The following DENND2B variants were observed in gnomAD, a reference collection of about 807,000 sequenced individuals.
The protein encoded by DENND2B is DENN domain containing 2B, also known as DENN domain-containing protein 2B.
A neutral mutation model predicts 116.0 loss-of-function variants in DENND2B; 32 were observed. The observed-to-expected ratio is 0.28, with a 90% CI of 0.21 to 0.37. The LOEUF (loss-of-function observed/expected upper bound fraction) is 0.37. Among genes scored for constraint, DENND2B ranks in the 10% least tolerant of loss-of-function variants. The probability of loss-of-function intolerance (pLI) is 1.00; values close to 1 mark genes in which losing one functional copy is unlikely to be tolerated. For synonymous variants in DENND2B, 588 were observed against 583.9 expected (o/e 1.01, Z -0.10); for missense variants, 1,276 against 1,477.7 (o/e 0.86, Z 2.24).
intron 1 of DENND2B, among the ~76,000 whole-genome samples, chr11:8,909,466 A>AAGG (rs1271097499): frequency 6.6e-6 from 1 of 151,986 alleles, no homozygotes; most frequent in Non-Finnish European, 1.5e-5. Context: ...GGAGAAGGAG[A>AAGG]AGAAATGGAA....
At chr11:8,830,217 C>G (rs2062149182) in intron 4 of DENND2B, among the ~76,000 whole-genome samples, 1 of 152,204 alleles carries the variant, frequency 6.6e-6, no homozygotes, top group African/African-American at 2.4e-5. Context: ...GTCCCTGGCT[C>G]TGCTCTGCCA....
intron 1 of DENND2B, chr11:8,772,053 T>C (rs1484256400): frequency 6.6e-6 from 1 of 151,442 alleles, no homozygotes; most frequent in Non-Finnish European, 1.5e-5. Context: ...AACTTCTGAG[T>C]TCAGAGAGCT....
At chr11:8,803,627 TA>T (rs1290214255) in intron 1 of DENND2B, among the ~76,000 whole-genome samples, 1 of 152,242 alleles carries the variant, frequency 6.6e-6, no homozygotes, top group Non-Finnish European at 1.5e-5. Context: ...AGCTAACATT[TA>T]TTGAGAGCAT....
rs560630549 is a variant in DENND2B, at chr11:8,772,404, G to T, written c.-25-21679C>A. On this transcript the variant is annotated intron_variant, in intron 1 of 19. Coordinates refer to ENST00000313726, the MANE Select transcript of DENND2B (RefSeq NM_213618.2). The stretch of plus-strand genomic sequence containing the variant: ...GACTTGTGATTAGCATCTGAAGTGG[G>T]GACAGTCTTGTCCCCACTTAATCTA... Among the ~76,000 whole-genome samples the T allele has an allele frequency of 2.0e-5, 3 of 151,990 alleles. No individual in the cohort carries two copies. In the South Asian group the frequency reaches 6.2e-4, roughly 32 times the overall value.
At chr11:8,815,538 C>T (rs2061539686), upstream of DENND2B, among the ~76,000 whole-genome samples, 1 of 152,180 alleles carries the variant, frequency 6.6e-6, no homozygotes, top group East Asian at 1.9e-4. Context: ...CTCTCCCTCC[C>T]TCTATGGCTC....
rs1323325733 is a variant in DENND2B, at chr11:8,701,351, G to C, written c.2720+1221C>G. The stretch of plus-strand genomic sequence containing the variant: ...GATGGGAAGGCCAGCTTCCGGGGGG[G>C]GGGGGGGGAGGGGCTACATGAATGA... On this transcript the variant is annotated intron_variant, in intron 14 of 19. Coordinates refer to ENST00000313726, the MANE Select transcript of DENND2B (RefSeq NM_213618.2). Among the ~76,000 whole-genome samples, 17 of 76,016 alleles carry C rather than the reference G, an allele frequency of 2.2e-4. 2 individuals are homozygous for C. The highest frequency in any genetic ancestry group is 1.3e-3 in the South Asian group (2 of 1,582). The allele number at this position is 76,016 out of a possible 152,430, so 49.9% of individuals were successfully genotyped here.
At chr11:8,708,438 G>A in intron 11 of DENND2B, 1 of 644,884 alleles carries the variant, frequency 1.6e-6, no homozygotes, top group Middle Eastern at 7.7e-4. Context: ...TGTGAGAGAG[G>A]GATTATTATC....
chr11:8,713,541 G>T (rs889876236), intron 8 of DENND2B, among the ~76,000 whole-genome samples: 1 of 152,128 alleles, frequency 6.6e-6, no homozygotes, highest in Non-Finnish European at 1.5e-5. Flanking sequence ...CACCGTGCCT[G>T]GCTAATTTTT....
chr11:8,697,907 C>G, intron 16 of DENND2B: 1 of 508,324 alleles, frequency 2.0e-6, no homozygotes, highest in Non-Finnish European at 3.7e-6. Context: ...GCGGGAGGAT[C>G]GCTTGAGCCC....
At chr11:8,839,400 C>G (rs1252298940) in intron 3 of DENND2B, 4 of 152,256 alleles carry the variant, frequency 2.6e-5, no homozygotes, top group Non-Finnish European at 5.9e-5. Context: ...TTCACTTACA[C>G]TTTCCAATAA....
chr11:8,698,265 C>T (rs893799522), intron 16 of DENND2B, among the ~76,000 whole-genome samples: 34 of 151,166 alleles, frequency 2.2e-4, no homozygotes, highest in African/African-American at 8.2e-4. Context: ...CAGCTCCAGG[C>T]AGGAGGCACA....
At chr11:8,807,464 C>T (rs1305891588) in intron 1 of DENND2B, among the ~76,000 whole-genome samples, 1 of 152,184 alleles carries the variant, frequency 6.6e-6, no homozygotes, top group Non-Finnish European at 1.5e-5. Context: ...TCTGTACACC[C>T]CGCCCTTCAT....
At chr11:8,698,137 C>CA (rs33975736) in intron 16 of DENND2B, among the ~76,000 whole-genome samples, 3,721 of 39,664 alleles carry the variant, frequency 0.094, 399 homozygotes, top group East Asian at 0.16. Flanking sequence ...ACCCTGTCTC[C>CA]AAAAAAAAAA....
intron 5 of DENND2B, 83 bp from the exon 6 acceptor site, chr11:8,715,901 G>C (rs1046425921): frequency 3.0e-6 from 4 of 1,329,988 alleles, no homozygotes; most frequent in African/African-American, 2.9e-5. Context: ...GGGACACAGA[G>C]GCCAAGGGCC....
rs1318649100 is a variant in DENND2B, at chr11:8,696,566, T to C, written c.3153A>G (p.Gly1051=). The stretch of plus-strand genomic sequence containing the variant: ...AGGCCTCTCGCTGAAAGGCCCTCTC[T>C]CCCTTCTCACTCTGTGTCAGAAAGA... The part of the protein sequence containing the change: ...YSLFLTQSEK[G]ERAFQREAFR... Residue 1051 remains glycine, a synonymous_variant, in exon 18 of 20, where the codon GGA becomes GGG. Transcript: ENST00000313726. 6 of 1,614,010 alleles carry C rather than the reference T, an allele frequency of 3.7e-6. No homozygotes were observed. The highest frequency in any genetic ancestry group is 1.1e-5 in the South Asian group (1 of 91,080).
chr11:8,748,937 G>GA (rs918014228), intron 2 of DENND2B, among the ~76,000 whole-genome samples: 6 of 149,964 alleles, frequency 4.0e-5, no homozygotes, highest in South Asian at 2.1e-4. Flanking sequence ...AAATTAGAAG[G>GA]AAAAAAAAAG....
intron 1 of DENND2B, among the ~76,000 whole-genome samples, chr11:8,770,897 G>A (rs1216606706): frequency 6.6e-6 from 1 of 152,074 alleles, no homozygotes; most frequent in African/African-American, 2.4e-5. Flanking sequence ...TGTGTGCACA[G>A]GGAAGTACGC....
At chr11:8,834,513 C>T (rs532909205) in intron 4 of DENND2B, among the ~76,000 whole-genome samples, 2 of 152,278 alleles carry the variant, frequency 1.3e-5, no homozygotes, top group African/African-American at 4.8e-5. Flanking sequence ...GGGTTTTAAG[C>T]TCAAGTTTTT....
intron 1 of DENND2B, chr11:8,776,143 C>CGCGCGT: frequency 6.2e-6 from 1 of 161,992 alleles, no homozygotes; most frequent in Non-Finnish European, 1.3e-5. Flanking sequence ...CACGCACGTG[C>CGCGCGT]GCGCACGCGC....
Sources: allele counts gnomAD v4.1 joint callset (sites outside exome capture counted in the v4.1 genomes callset), GRCh38; gene constraint gnomAD v4.1.1; transcripts MANE v1.5; gene names NCBI Gene and HGNC (gene_info 2026-07-23, HGNC 2026-07-21).